PCDH15: variants seen among roughly 807,000 people sequenced by gnomAD.
PCDH15 encodes protocadherin related 15, also known as protocadherin-15.
In PCDH15, 129 loss-of-function variants were observed where a neutral mutation model predicts 178.5. The ratio of observed to expected loss-of-function variants is 0.72; its 90% confidence interval spans 0.63 to 0.84. The LOEUF (loss-of-function observed/expected upper bound fraction) is 0.84, where lower values mean the gene tolerates loss of function less well. Ranked by LOEUF, PCDH15 falls within the 40% of genes least tolerant of loss-of-function variation. The pLI is 0.00. For synonymous variants in PCDH15, 800 were observed against 732.0 expected, an observed-to-expected ratio of 1.09 and a Z score of -1.50; for missense variants, 2,230 against 2,099.9, an observed-to-expected ratio of 1.06 and a Z score of -1.21.
At chr10:55,226,254 G>A (rs922775563) in intron 1 of PCDH15, among the ~76,000 whole-genome samples, 1 of 152,122 alleles carries the variant, frequency 6.6e-6, no homozygotes, top group Non-Finnish European at 1.5e-5. Context: ...AATAGTCTCA[G>A]AGGAGAAGAG....
At chr10:53,991,800 T>C (rs904055416) in intron 21 of PCDH15, among the ~76,000 whole-genome samples, 2 of 152,096 alleles carry the variant, frequency 1.3e-5, no homozygotes, top group African/African-American at 4.8e-5. Context: ...GCTCAGGGAT[T>C]ATAAATGCAC....
intron 3 of PCDH15, among the ~76,000 whole-genome samples, chr10:54,883,889 T>C (rs895514808): frequency 2.0e-5 from 3 of 152,036 alleles, no homozygotes; most frequent in Non-Finnish European, 4.4e-5. Flanking sequence ...GTGATAATTT[T>C]ATATAATTTA....
intron 2 of PCDH15, among the ~76,000 whole-genome samples, chr10:55,346,295 C>T (rs1372280584): frequency 2.0e-5 from 3 of 152,160 alleles, no homozygotes; most frequent in Admixed American, 2.0e-4. Flanking sequence ...GTACACATTG[C>T]AATGAAGAAG....
chr10:54,333,946 A>C (rs891716683), intron 6 of PCDH15, among the ~76,000 whole-genome samples: 1 of 152,212 alleles, frequency 6.6e-6, no homozygotes, highest in Non-Finnish European at 1.5e-5. Flanking sequence ...GGAACAGAGC[A>C]ATGCCCATTT....
At chr10:55,392,807 T>C (rs917369169) in intron 2 of PCDH15, among the ~76,000 whole-genome samples, 1 of 152,088 alleles carries the variant, frequency 6.6e-6, no homozygotes, top group Non-Finnish European at 1.5e-5. Context: ...CAAATTAATA[T>C]AAATAAATAA....
intron 3 of PCDH15, among the ~76,000 whole-genome samples, chr10:54,462,680 ATTTTTTTTTTTT>A (rs767750465): frequency 7.3e-4 from 41 of 56,240 alleles, no homozygotes; most frequent in South Asian, 1.7e-3. Flanking sequence ...CACCTGCTTA[ATTTTTTTTTTTT>A]TTTTTTTTTT....
chr10:54,748,212 T>C (rs1945738744), intron 1 of PCDH15, among the ~76,000 whole-genome samples: 4 of 152,244 alleles, frequency 2.6e-5, no homozygotes, highest in African/African-American at 7.2e-5. Flanking sequence ...AACTTCATGT[T>C]ACTTTTGAGA....
At chr10:54,561,260 G>A (rs2088103070) in intron 2 of PCDH15, among the ~76,000 whole-genome samples, 1 of 152,042 alleles carries the variant, frequency 6.6e-6, no homozygotes, top group African/African-American at 2.4e-5. Flanking sequence ...TCATGAAAGG[G>A]ATTTTCCACA....
chr10:54,612,599 C>T lies in PCDH15; in HGVS notation c.91+51573G>A, dbSNP rs2092999174. ...ATAATCTAAAAGTTTGAAAAACAAA[C>T]TGCAGAATATATTGTGTGTGGCTCT... On this transcript the variant is annotated intron_variant, in intron 2 of 37. Coordinates refer to ENST00000644397, the MANE Select transcript of PCDH15 (RefSeq NM_001384140.1). Among the ~76,000 whole-genome samples, 3 of 151,732 alleles carry T rather than the reference C, an allele frequency of 2.0e-5. No homozygotes were observed. In the South Asian group the frequency reaches 6.2e-4, roughly 32 times the overall value.
chr10:55,465,155 T>C (rs777150579), intron 2 of PCDH15, among the ~76,000 whole-genome samples: 6 of 152,028 alleles, frequency 3.9e-5, no homozygotes, highest in East Asian at 1.9e-4. Context: ...TTTTAGGAAA[T>C]TGACTCACAG....
intron 2 of PCDH15, among the ~76,000 whole-genome samples, chr10:55,093,119 C>T (rs1002791639): frequency 6.6e-6 from 1 of 151,936 alleles, no homozygotes; most frequent in East Asian, 1.9e-4. Context: ...ATGAAATACT[C>T]TACAGACTGA....
intron 2 of PCDH15, among the ~76,000 whole-genome samples, chr10:55,529,616 A>T (rs1841397391): frequency 6.6e-6 from 1 of 151,086 alleles, no homozygotes; most frequent in Admixed American, 6.6e-5. Flanking sequence ...AGGATCACAT[A>T]TACAGGTATT....
chr10:54,612,682 ATAAAAC>A (rs1039685003), intron 2 of PCDH15, among the ~76,000 whole-genome samples: 10 of 151,880 alleles, frequency 6.6e-5, no homozygotes, highest in African/African-American at 2.4e-4. Flanking sequence ...TATAAGAAAA[ATAAAAC>A]TGGTTGCAGA....
chr10:55,392,689 T>C (rs899963182), intron 2 of PCDH15, among the ~76,000 whole-genome samples: 1 of 152,182 alleles, frequency 6.6e-6, no homozygotes, highest in Non-Finnish European at 1.5e-5. Flanking sequence ...ATAAATATTT[T>C]TGGTTGCTGA....
chr10:54,215,888 CA>C lies in PCDH15; in HGVS notation c.986-1841del, dbSNP rs1275260060. Among the ~76,000 whole-genome samples the C allele has an allele frequency of 4.0e-5, 6 of 151,164 alleles. No homozygotes were observed. The East Asian group carries it at 9.9e-4, about 25-fold the overall frequency. ...AAGCCCGCCTCTACTAAAAAAAATA[CA>C]AAAAATTAGCCAGCCTGGTGGCGGG... On this transcript the variant is annotated intron_variant, in intron 9 of 37. Coordinates refer to ENST00000644397, the MANE Select transcript of PCDH15 (RefSeq NM_001384140.1).
At chr10:53,902,667 T>A (rs963916010) in intron 26 of PCDH15, among the ~76,000 whole-genome samples, 1 of 152,236 alleles carries the variant, frequency 6.6e-6, no homozygotes, top group African/African-American at 2.4e-5. Context: ...AAACATTTGA[T>A]GATAAATAAA....
At chr10:55,609,846 T>C (rs923659356) in intron 2 of PCDH15, among the ~76,000 whole-genome samples, 1 of 152,106 alleles carries the variant, frequency 6.6e-6, no homozygotes, top group African/African-American at 2.4e-5. Flanking sequence ...TCTGTAAAGA[T>C]AATATTTAGA....
intron 9 of PCDH15, among the ~76,000 whole-genome samples, chr10:54,233,602 C>A (rs1423476696): frequency 6.6e-6 from 1 of 152,146 alleles, no homozygotes; most frequent in African/African-American, 2.4e-5. Context: ...GTGTATTCTG[C>A]TGTTAGGGGG....
At chr10:54,772,537 G>C in intron 1 of PCDH15, among the ~76,000 whole-genome samples, 1 of 152,064 alleles carries the variant, frequency 6.6e-6, no homozygotes, top group Non-Finnish European at 1.5e-5. Context: ...CTGATCATTA[G>C]ATAAATGCAA....
Sources: allele counts gnomAD v4.1 joint callset (sites outside exome capture counted in the v4.1 genomes callset), GRCh38; gene constraint gnomAD v4.1.1; transcripts MANE v1.5; gene names NCBI Gene and HGNC (gene_info 2026-07-23, HGNC 2026-07-21).